The following ZMIZ1 variants were observed in gnomAD, a reference collection of about 807,000 sequenced individuals.
ZMIZ1 encodes the protein zinc finger MIZ domain-containing protein 1.
In ZMIZ1, 17 loss-of-function variants were observed where a neutral mutation model predicts 113.9. The observed-to-expected ratio is 0.15, with a 90% CI of 0.10 to 0.22. The LOEUF is 0.22. ZMIZ1 is among the 10% of genes least tolerant of loss of function. The pLI is 1.00. For synonymous variants in ZMIZ1, 607 were observed against 603.1 expected, an observed-to-expected ratio of 1.01 and a Z score of -0.09; for missense variants, 1,059 against 1,477.8, an observed-to-expected ratio of 0.72 and a Z score of 4.65.
chr10:79,145,041 A>T (rs1032699827), intron 3 of ZMIZ1, among the ~76,000 whole-genome samples: 69 of 148,536 alleles, frequency 4.6e-4, no homozygotes, highest in African/African-American at 1.7e-3. Context: ...GCCCAGCTGC[A>T]CCTTCTTCCC....
At chr10:79,139,866 G>A in intron 3 of ZMIZ1, 89 bp downstream of exon 3, 1 of 398,634 alleles carries the variant, frequency 2.5e-6, no homozygotes, top group Non-Finnish European at 4.4e-6. Flanking sequence ...AAGTGCTGTG[G>A]CTGGACCAGA....
intron 1 of ZMIZ1, among the ~76,000 whole-genome samples, chr10:79,098,035 G>A (rs986993217): frequency 4.6e-5 from 7 of 152,218 alleles, no homozygotes; most frequent in Non-Finnish European, 5.9e-5. Context: ...CTGGGCCCTC[G>A]GAGGCCTTTG....
intron 7 of ZMIZ1, among the ~76,000 whole-genome samples, chr10:79,246,481 G>A (rs979962468): frequency 2.6e-5 from 4 of 152,310 alleles, no homozygotes; most frequent in Admixed American, 2.6e-4. Context: ...GGGAGAGGCT[G>A]GCTCCTCCAT....
chr10:79,296,450 C>CT lies in ZMIZ1; in HGVS notation c.1231-20dup. On this transcript the variant is annotated intron_variant, in intron 12 of 24. Coordinates refer to ENST00000334512, the MANE Select transcript of ZMIZ1 (RefSeq NM_020338.4). The surrounding 1 kb of genome is among the most constrained non-coding windows in gnomAD (Gnocchi z 4.1). ...TGGCAACATTGAACGTGTTTCCCCT[C>CT]TCCTTTCTCTCCCACCACAGCCCAA... 1 of 1,613,466 alleles carries CT rather than the reference C, an allele frequency of 6.2e-7. No individual in the cohort carries two copies. Among genetic ancestry groups the CT allele is most frequent in the Non-Finnish European group, 8.5e-7 (1 of 1,179,660 alleles).
At chr10:79,240,775 A>C (rs1156497598) in intron 7 of ZMIZ1, among the ~76,000 whole-genome samples, 1 of 149,922 alleles carries the variant, frequency 6.7e-6, no homozygotes, top group African/African-American at 2.5e-5. Flanking sequence ...CTGGGAGAAC[A>C]GGGAGATGGG....
chr10:79,255,906 TA>T (rs1850867790), intron 7 of ZMIZ1, among the ~76,000 whole-genome samples: 1 of 152,246 alleles, frequency 6.6e-6, no homozygotes, highest in African/African-American at 2.4e-5. Flanking sequence ...AGCCGCATTG[TA>T]AATCGGAAGA....
At chr10:79,086,766 TA>T (rs1286360782) in intron 1 of ZMIZ1, among the ~76,000 whole-genome samples, 2 of 152,120 alleles carry the variant, frequency 1.3e-5, no homozygotes, top group Non-Finnish European at 2.9e-5. Flanking sequence ...TTTTTATTTT[TA>T]TTTTTTTTAA....
intron 1 of ZMIZ1, among the ~76,000 whole-genome samples, chr10:79,088,541 A>G (rs1487573824): frequency 6.6e-6 from 1 of 152,188 alleles, no homozygotes; most frequent in Non-Finnish European, 1.5e-5. Context: ...GGGAGTTGCC[A>G]GTGAGAGGGT....
At chr10:79,288,981 G>A (rs1853281740) in intron 8 of ZMIZ1, among the ~76,000 whole-genome samples, 1 of 152,194 alleles carries the variant, frequency 6.6e-6, no homozygotes, top group South Asian at 2.1e-4. Context: ...TTTAGGGGCA[G>A]GGGCAGCTCC....
chr10:79,193,428 C>A (rs1847691811), intron 4 of ZMIZ1, among the ~76,000 whole-genome samples: 1 of 152,212 alleles, frequency 6.6e-6, no homozygotes. Flanking sequence ...ACCAGTGTCT[C>A]TCTGAGTCCT....
In ZMIZ1 at chr10:79,266,322, G is replaced by A. The variant is rs575004076; in HGVS notation, c.281-10859G>A. On this transcript the variant is annotated intron_variant, in intron 7 of 24. Coordinates refer to ENST00000334512, the MANE Select transcript of ZMIZ1 (RefSeq NM_020338.4). ...TTATGGGCATGAAAGTGGGGCCTTC[G>A]CGTACCAGCAGTGGGCGGGGCCGTT... Among the ~76,000 whole-genome samples the A allele has an allele frequency of 8.5e-5, 13 of 152,324 alleles. No homozygotes were observed. The East Asian group carries it at 1.4e-3, about 16-fold the overall frequency.
chr10:79,237,484 GT>G (rs1211765986), intron 7 of ZMIZ1, among the ~76,000 whole-genome samples: 1 of 152,218 alleles, frequency 6.6e-6, no homozygotes, highest in East Asian at 1.9e-4. Flanking sequence ...GAAGGTGTCA[GT>G]AGGGCCAAGG....
chr10:79,107,912 G>C (rs1020347423), intron 1 of ZMIZ1, among the ~76,000 whole-genome samples: 1 of 152,154 alleles, frequency 6.6e-6, no homozygotes, highest in Non-Finnish European at 1.5e-5. Flanking sequence ...TGAGGGCCCT[G>C]GCATGGGGTA....
At chr10:79,120,591 G>T (rs974861042) in intron 2 of ZMIZ1, among the ~76,000 whole-genome samples, 3 of 152,194 alleles carry the variant, frequency 2.0e-5, no homozygotes, top group African/African-American at 7.2e-5. Context: ...CCCGCTCTAG[G>T]ACTCATTCCC....
Position 79,138,073 on chromosome 10 carries a change from C to T in ZMIZ1, c.-226-1609C>T, listed in dbSNP as rs1045934563. 3.3e-5 allele frequency among the ~76,000 whole-genome samples: 5 copies of T among 152,150 alleles called. No individual in the cohort carries two copies. The South Asian group carries it at 8.3e-4, about 25-fold the overall frequency. ...TGTTCTCAGCGGGAGGGGCAGGCGG[C>T]GGGCACTGGGCCAGGGGCCCAGCCA... On this transcript the variant is annotated intron_variant, in intron 2 of 24. Coordinates refer to ENST00000334512, the MANE Select transcript of ZMIZ1 (RefSeq NM_020338.4).
chr10:79,082,246 G>T (rs1391325222), intron 1 of ZMIZ1, among the ~76,000 whole-genome samples: 2 of 152,248 alleles, frequency 1.3e-5, no homozygotes, highest in African/African-American at 4.8e-5. Context: ...TGGTAAGACA[G>T]CTGGCTCCTC....
chr10:79,188,186 G>A (rs1419999228), intron 4 of ZMIZ1, among the ~76,000 whole-genome samples: 1 of 152,170 alleles, frequency 6.6e-6, no homozygotes, highest in Non-Finnish European at 1.5e-5. Flanking sequence ...ACTGCAGGAG[G>A]GCCACCCACC....
intron 4 of ZMIZ1, among the ~76,000 whole-genome samples, chr10:79,192,102 G>A (rs1323906412): frequency 1.3e-5 from 2 of 152,230 alleles, no homozygotes; most frequent in South Asian, 2.1e-4. Flanking sequence ...AAAGTTCACT[G>A]TGAGGTCAGG....
intron 7 of ZMIZ1, among the ~76,000 whole-genome samples, chr10:79,240,074 T>C (rs1160793554): frequency 6.6e-6 from 1 of 151,160 alleles, no homozygotes; most frequent in Admixed American, 6.6e-5. Context: ...GCAGGAGGAG[T>C]TCAAACACCC....
Sources: allele counts gnomAD v4.1 joint callset (sites outside exome capture counted in the v4.1 genomes callset), GRCh38; gene constraint gnomAD v4.1.1; non-coding constraint Gnocchi (gnomAD v3.1); transcripts MANE v1.5; gene names NCBI Gene and HGNC (gene_info 2026-07-23, HGNC 2026-07-21).